Variants in RFTN2 observed in about 807,000 individuals in gnomAD.
The protein encoded by RFTN2 is raftlin family member 2, also known as raftlin-2.
A neutral mutation model predicts 52.7 loss-of-function variants in RFTN2; 34 were observed. That is an observed-to-expected ratio of 0.64 (90% CI 0.49 to 0.86). The LOEUF is 0.86. Among genes scored for constraint, RFTN2 ranks in the 40% least tolerant of loss-of-function variants. RFTN2 has a pLI of 0.00. For synonymous variants in RFTN2, 203 were observed against 217.7 expected (o/e 0.93, Z 0.59); for missense variants, 536 against 600.1 (o/e 0.89, Z 1.12).
At chr2:197,648,627 TA>T (rs944148505) in intron 1 of RFTN2, among the ~76,000 whole-genome samples, 1 of 152,214 alleles carries the variant, frequency 6.6e-6, no homozygotes, top group Non-Finnish European at 1.5e-5. Flanking sequence ...ATACTAATCT[TA>T]AAAAAATTTA....
chr2:197,600,723 T>A (rs905224903), intron 7 of RFTN2, among the ~76,000 whole-genome samples: 7 of 152,188 alleles, frequency 4.6e-5, no homozygotes, highest in African/African-American at 7.2e-5. Flanking sequence ...AGCCCACATC[T>A]CTTATTCCCT....
intron 8 of RFTN2, among the ~76,000 whole-genome samples, chr2:197,575,351 G>A (rs1484064566): frequency 2.0e-5 from 3 of 152,190 alleles, no homozygotes; most frequent in Non-Finnish European, 4.4e-5. Context: ...TAGTTTACAT[G>A]GATAATTCAG....
intron 7 of RFTN2, among the ~76,000 whole-genome samples, chr2:197,599,425 C>T (rs2087846545): frequency 6.6e-6 from 1 of 152,168 alleles, no homozygotes; most frequent in Admixed American, 6.5e-5. Context: ...CTTACTCCCT[C>T]TGCAGTGTGA....
At chr2:197,577,666 C>T (rs1261790782) in intron 8 of RFTN2, among the ~76,000 whole-genome samples, 3 of 152,178 alleles carry the variant, frequency 2.0e-5, no homozygotes, top group Non-Finnish European at 4.4e-5. Context: ...CCCACATGCA[C>T]AATGAATGCA....
At position 197,571,961 on chromosome 2, in the gene RFTN2, G is replaced by T; in HGVS notation, c.*47C>A. 6.3e-7 allele frequency: 1 copy of T among 1,579,772 alleles called. No homozygotes were observed. Among genetic ancestry groups the T allele is most frequent in the Non-Finnish European group, 8.7e-7 (1 of 1,150,958 alleles). ...TAATACAATAAGGTCAGTTGGCAAT[G>T]ATTTTAACAATTATTTACAGGGCCT... On this transcript the variant is annotated 3_prime_UTR_variant, in exon 9 of 9. Transcript: ENST00000295049.
At chr2:197,614,051 G>C (rs2088103635) in intron 7 of RFTN2, among the ~76,000 whole-genome samples, 1 of 151,992 alleles carries the variant, frequency 6.6e-6, no homozygotes, top group Non-Finnish European at 1.5e-5. Flanking sequence ...AGAACCTATA[G>C]ACTAAGACAC....
At chr2:197,674,790 T>C (rs1455485315) in intron 1 of RFTN2, among the ~76,000 whole-genome samples, 1 of 151,102 alleles carries the variant, frequency 6.6e-6, no homozygotes, top group Non-Finnish European at 1.5e-5. Context: ...CAGAAGGCTA[T>C]CTTTTTTTTT....
At chr2:197,602,679 C>A (rs1334109726) in intron 7 of RFTN2, among the ~76,000 whole-genome samples, 1 of 152,062 alleles carries the variant, frequency 6.6e-6, no homozygotes, top group Non-Finnish European at 1.5e-5. Flanking sequence ...GCTGGGACTA[C>A]AGGTGTGCGC....
chr2:197,625,532 C>T (rs560383048), intron 5 of RFTN2, among the ~76,000 whole-genome samples: 2 of 152,172 alleles, frequency 1.3e-5, no homozygotes, highest in African/African-American at 4.8e-5. Flanking sequence ...GAATCTTAGC[C>T]TATCCACTTC....
At chr2:197,656,209 T>C (rs1331525890) in intron 1 of RFTN2, among the ~76,000 whole-genome samples, 4 of 152,180 alleles carry the variant, frequency 2.6e-5, no homozygotes, top group Non-Finnish European at 5.9e-5. Flanking sequence ...TATATGGTTG[T>C]TAGGAGGATT....
intron 5 of RFTN2, among the ~76,000 whole-genome samples, chr2:197,618,496 C>T: frequency 6.6e-6 from 1 of 151,852 alleles, no homozygotes; most frequent in East Asian, 1.9e-4. Context: ...GCAGCCTCTG[C>T]CCGGCCGCCA....
Position 197,596,522 on chromosome 2 carries a change from G to T in RFTN2, c.1155-453C>A, listed in dbSNP as rs996289998. The stretch of plus-strand genomic sequence containing the variant: ...TTTAATGGTTGCATAATAACTCAAA[G>T]AATTAAGATACCAAAATGTACTAAG... On this transcript the variant is annotated intron_variant, in intron 7 of 8. Coordinates refer to ENST00000295049, the MANE Select transcript of RFTN2 (RefSeq NM_144629.3). Among the ~76,000 whole-genome samples the T allele has an allele frequency of 3.3e-5, 5 of 152,132 alleles. 1 individual carries two copies. The South Asian group carries it at 6.2e-4, about 19-fold the overall frequency.
intron 7 of RFTN2, among the ~76,000 whole-genome samples, chr2:197,613,692 C>T (rs969815557): frequency 1.3e-5 from 2 of 152,218 alleles, no homozygotes; most frequent in Non-Finnish European, 2.9e-5. Context: ...ACAAGATTTA[C>T]CAACAATCCT....
chr2:197,606,416 A>G, intron 7 of RFTN2, among the ~76,000 whole-genome samples: 1 of 152,220 alleles, frequency 6.6e-6, no homozygotes, highest in East Asian at 1.9e-4. Context: ...GTTTCAAAAG[A>G]GTGGGTTTAT....
At chr2:197,622,408 C>T (rs1396862981) in intron 5 of RFTN2, among the ~76,000 whole-genome samples, 1 of 152,118 alleles carries the variant, frequency 6.6e-6, no homozygotes, top group African/African-American at 2.4e-5. Flanking sequence ...CAGGCTCAAG[C>T]AATTCTCCTG....
intron 8 of RFTN2, among the ~76,000 whole-genome samples, chr2:197,591,932 G>GCCTCTCCCTCCACC (rs71012984): frequency 0.019 from 2,947 of 151,976 alleles, 51 homozygotes; most frequent in Non-Finnish European, 0.029. Flanking sequence ...CTCCCTCCAC[G>GCCTCTCCCTCCACC]CCTCTCCCTC....
intron 1 of RFTN2, among the ~76,000 whole-genome samples, chr2:197,652,202 C>T (rs151199650): frequency 2.0e-5 from 3 of 152,290 alleles, no homozygotes; most frequent in East Asian, 1.9e-4. Flanking sequence ...AAGTTTCAGT[C>T]AACAAACTGT....
chr2:197,609,440 A>C (rs992114969), intron 7 of RFTN2, among the ~76,000 whole-genome samples: 1 of 152,186 alleles, frequency 6.6e-6, no homozygotes, highest in Non-Finnish European at 1.5e-5. Flanking sequence ...TCTTTTGAGA[A>C]GTGTCTGTTC....
chr2:197,589,087 G>C (rs1421491742), intron 8 of RFTN2, among the ~76,000 whole-genome samples: 2 of 151,820 alleles, frequency 1.3e-5, no homozygotes, highest in Non-Finnish European at 2.9e-5. Flanking sequence ...CAGGTGTGGT[G>C]CTACGCGCCT....
Sources: allele counts gnomAD v4.1 joint callset (sites outside exome capture counted in the v4.1 genomes callset), GRCh38; gene constraint gnomAD v4.1.1; transcripts MANE v1.5; gene names NCBI Gene and HGNC (gene_info 2026-07-23, HGNC 2026-07-21).